Variants in TBC1D32 observed in about 807,000 individuals in gnomAD.
TBC1D32 encodes the protein protein broad-minded.
In TBC1D32, 151 loss-of-function variants were observed where a neutral mutation model predicts 170.3. That is an observed-to-expected ratio of 0.89 (90% CI 0.78 to 1.01). TBC1D32 has a LOEUF of 1.01. Ranked by LOEUF, TBC1D32 falls within the 50% of genes least tolerant of loss-of-function variation. The probability of loss-of-function intolerance (pLI) is 0.00; values close to 1 mark genes in which losing one functional copy is unlikely to be tolerated. For missense variants in TBC1D32, 1,464 were observed against 1,457.1 expected, an observed-to-expected ratio of 1.00 and a Z score of -0.08; for synonymous variants, 498 against 488.0, an observed-to-expected ratio of 1.02 and a Z score of -0.27.
intron 12 of TBC1D32, 107 bp downstream of exon 12, chr6:121,291,946 A>T: frequency 1.7e-6 from 2 of 1,192,160 alleles, no homozygotes; most frequent in Non-Finnish European, 2.2e-6. Context: ...AAAGGTATGT[A>T]GCTAAGTACC....
intron 29 of TBC1D32, among the ~76,000 whole-genome samples, chr6:121,109,889 G>C (rs1028985429): frequency 2.0e-5 from 3 of 151,698 alleles, no homozygotes; most frequent in Non-Finnish European, 4.4e-5. Context: ...ACATTCTTAT[G>C]AATGCAGGGG....
chr6:121,140,592 C>G (rs776111663), intron 24 of TBC1D32, among the ~76,000 whole-genome samples: 1 of 151,758 alleles, frequency 6.6e-6, no homozygotes, highest in Non-Finnish European at 1.5e-5. Context: ...ATCAGATAAG[C>G]AGAAATGTGA....
At chr6:121,227,840 C>A (rs900206082) in intron 20 of TBC1D32, among the ~76,000 whole-genome samples, 1 of 152,106 alleles carries the variant, frequency 6.6e-6, no homozygotes, top group African/African-American at 2.4e-5. Context: ...TTTCCTCTAC[C>A]TGTTTTCTGA....
chr6:121,268,968 G>A (rs542945372), intron 15 of TBC1D32, among the ~76,000 whole-genome samples: 10 of 152,214 alleles, frequency 6.6e-5, no homozygotes, highest in African/African-American at 2.4e-4. Flanking sequence ...CAACCTTCTT[G>A]AAGAAAAGAA....
At chr6:121,235,897 T>C (rs939358182) in intron 20 of TBC1D32, among the ~76,000 whole-genome samples, 3 of 152,234 alleles carry the variant, frequency 2.0e-5, no homozygotes, top group Non-Finnish European at 2.9e-5. Context: ...ACCATCTTAA[T>C]CCTAAAGTTA....
At chr6:121,306,249 CAG>C (rs1807304370) in intron 5 of TBC1D32, among the ~76,000 whole-genome samples, 1 of 152,158 alleles carries the variant, frequency 6.6e-6, no homozygotes, top group Non-Finnish European at 1.5e-5. Context: ...GAATTACAAA[CAG>C]TGATTCCCAA....
chr6:121,144,723 C>A (rs372951790), intron 24 of TBC1D32, among the ~76,000 whole-genome samples: 1 of 151,988 alleles, frequency 6.6e-6, no homozygotes. Context: ...AGATATAAAT[C>A]TGAGAGCCAT....
chr6:121,258,669 GTATCATACAA>G (rs1799366743), intron 15 of TBC1D32, among the ~76,000 whole-genome samples: 4 of 151,672 alleles, frequency 2.6e-5, no homozygotes, highest in Non-Finnish European at 5.9e-5. Flanking sequence ...ATATTTCTTT[GTATCATACAA>G]AAGGTAGCAT....
At chr6:121,294,481 T>A in intron 11 of TBC1D32, 89 bp downstream of exon 11, 2 of 895,078 alleles carry the variant, frequency 2.2e-6, no homozygotes, top group Non-Finnish European at 1.7e-6. Context: ...ATACTAACAA[T>A]CATTAAAAAA....
At chr6:121,160,808 T>G in intron 23 of TBC1D32, 140 bp downstream of exon 23, 2 of 680,912 alleles carry the variant, frequency 2.9e-6, no homozygotes, top group South Asian at 3.4e-5. Flanking sequence ...TTTATTTGCA[T>G]CCTAAATATT....
chr6:121,206,390 T>A (rs1792279012), intron 21 of TBC1D32, among the ~76,000 whole-genome samples: 1 of 152,138 alleles, frequency 6.6e-6, no homozygotes, highest in Admixed American at 6.5e-5. Context: ...GATATTTCTG[T>A]TACCAATAGG....
intron 17 of TBC1D32, among the ~76,000 whole-genome samples, chr6:121,247,961 C>A (rs1279466288): frequency 1.3e-5 from 2 of 151,956 alleles, no homozygotes; most frequent in Admixed American, 6.6e-5. Flanking sequence ...TACTCTACAA[C>A]AAATGGACTT....
In TBC1D32 at chr6:121,279,140, T is replaced by C; in HGVS notation, c.1714A>G (p.Met572Val). The change falls in exon 15 of 32, where the codon ATG becomes GTG. Residue 572 changes from methionine (M) to valine (V), a missense_variant. Coordinates refer to ENST00000398212, the MANE Select transcript of TBC1D32 (RefSeq NM_152730.6). ...GLILLLYGAN[M>V]NSSEESPTGA... ...ACATACCTTTCTTCAGAAGAGTTCA[T>C]ATTTGCTCCATAAAGGAGTAAAATA... is the stretch of plus-strand genomic sequence containing the variant. 1.2e-6 allele frequency: 2 copies of C among 1,606,054 alleles called. No homozygotes were observed. Among genetic ancestry groups the C allele is most frequent in the Non-Finnish European group, 1.7e-6 (2 of 1,177,762 alleles).
intron 22 of TBC1D32, among the ~76,000 whole-genome samples, chr6:121,190,863 T>C (rs956797245): frequency 6.6e-6 from 1 of 152,164 alleles, no homozygotes; most frequent in African/African-American, 2.4e-5. Flanking sequence ...TGTTCTTGGT[T>C]TATCTCACAA....
At chr6:121,087,249 T>C (rs1442465130) in intron 31 of TBC1D32, among the ~76,000 whole-genome samples, 1 of 152,168 alleles carries the variant, frequency 6.6e-6, no homozygotes, top group Non-Finnish European at 1.5e-5. Context: ...AGAGGAAAAA[T>C]AAGTTTTTCT....
intron 22 of TBC1D32, among the ~76,000 whole-genome samples, chr6:121,195,979 T>C (rs1012753872): frequency 6.6e-6 from 1 of 152,188 alleles, no homozygotes; most frequent in Non-Finnish European, 1.5e-5. Context: ...GGTAAGGGAC[T>C]TGGAAGACAC....
chr6:121,330,613 C>T (rs1400301807), intron 1 of TBC1D32, among the ~76,000 whole-genome samples: 1 of 152,180 alleles, frequency 6.6e-6, no homozygotes, highest in African/African-American at 2.4e-5. Context: ...ATTCTGAGGT[C>T]TCAACTCTAA....
intron 20 of TBC1D32, among the ~76,000 whole-genome samples, chr6:121,234,899 A>G (rs548979822): frequency 3.3e-5 from 5 of 152,176 alleles, no homozygotes; most frequent in Admixed American, 6.5e-5. Flanking sequence ...TGTTATCCCA[A>G]CACTACTTGA....
In TBC1D32 at chr6:121,148,338, G is replaced by A. The variant is rs537454740; in HGVS notation, c.2773+11672C>T. On this transcript the variant is annotated intron_variant, in intron 24 of 31. Transcript: ENST00000398212. ...ACTAATTTTTTTTTATGGTTGCATA[G>A]TATTCCATGGTGTACATATGCCACA... Among the ~76,000 whole-genome samples, 346 of 152,188 alleles carry A rather than the reference G, an allele frequency of 2.3e-3. 1 individual carries two copies. Among genetic ancestry groups the A allele is most frequent in the African/African-American group, 7.8e-3 (324 of 41,518 alleles).
Sources: gnomAD v4.1 joint callset for allele counts (sites outside exome capture counted in the v4.1 genomes callset) on GRCh38, gnomAD v4.1.1 for gene constraint, MANE v1.5 for transcripts, NCBI Gene and HGNC (gene_info 2026-07-23, HGNC 2026-07-21) for gene names.